Variants in RABGAP1L observed in about 807,000 individuals in gnomAD.
RABGAP1L encodes the protein RAB GTPase activating protein 1 like.
In RABGAP1L, 63 loss-of-function variants were observed where a neutral mutation model predicts 137.7. The observed-to-expected ratio is 0.46, with a 90% confidence interval of 0.37 to 0.56. The LOEUF (loss-of-function observed/expected upper bound fraction) is 0.56. RABGAP1L is among the 20% of genes least tolerant of loss of function. RABGAP1L has a pLI of 0.00. For missense variants in RABGAP1L, 1,095 were observed against 1,244.0 expected (o/e 0.88, Z 1.80); for synonymous variants, 431 against 433.7 (o/e 0.99, Z 0.08).
intron 13 of RABGAP1L, among the ~76,000 whole-genome samples, chr1:174,399,609 A>G (rs147267033): frequency 3.3e-5 from 5 of 152,278 alleles, no homozygotes; most frequent in East Asian, 3.9e-4. Flanking sequence ...TCACACTGCT[A>G]TAAGGACCTA....
At chr1:174,202,017 A>G (rs1299425625) in intron 1 of RABGAP1L, among the ~76,000 whole-genome samples, 2 of 151,912 alleles carry the variant, frequency 1.3e-5, no homozygotes, top group East Asian at 1.9e-4. Flanking sequence ...TCCATGGTGT[A>G]TATGTGCCAC....
intron 15 of RABGAP1L, among the ~76,000 whole-genome samples, chr1:174,689,876 AG>A (rs1378302805): frequency 1.9e-4 from 29 of 152,304 alleles, no homozygotes. Context: ...ATGGGACAGT[AG>A]GATGCTAAAC....
intron 19 of RABGAP1L, 36 bp downstream of exon 19, chr1:174,811,996 T>C: frequency 6.5e-7 from 1 of 1,546,912 alleles, no homozygotes; most frequent in Non-Finnish European, 8.7e-7. Flanking sequence ...AAAGGTAAAA[T>C]ATGAGTGCAG....
chr1:174,872,583 G>A (rs1208512761), intron 19 of RABGAP1L, among the ~76,000 whole-genome samples: 7 of 150,186 alleles, frequency 4.7e-5, no homozygotes, highest in Non-Finnish European at 8.9e-5. Flanking sequence ...TTTTTAAGAG[G>A]CAGCATCTTA....
intron 19 of RABGAP1L, among the ~76,000 whole-genome samples, chr1:174,946,458 G>A (rs1416108338): frequency 1.3e-5 from 2 of 152,158 alleles, no homozygotes; most frequent in East Asian, 3.9e-4. Flanking sequence ...TGGCAACATA[G>A]TGAGACCCAA....
At chr1:174,667,063 A>G (rs911033270) in intron 14 of RABGAP1L, among the ~76,000 whole-genome samples, 1 of 151,760 alleles carries the variant, frequency 6.6e-6, no homozygotes, top group Admixed American at 6.6e-5. Flanking sequence ...AAATGTTAGC[A>G]CCAGAAATAT....
chr1:174,702,978 A>T (rs1679771298), intron 17 of RABGAP1L, among the ~76,000 whole-genome samples: 1 of 152,314 alleles, frequency 6.6e-6, no homozygotes, highest in Non-Finnish European at 1.5e-5. Context: ...TTTCAATGGC[A>T]GTATAAATGT....
At position 174,491,090 on chromosome 1, in the gene RABGAP1L, G is replaced by T. The variant is rs532153775; in HGVS notation, c.1710+96945G>T. 7.9e-5 allele frequency among the ~76,000 whole-genome samples: 12 copies of T among 151,930 alleles called. No individual in the cohort carries two copies. In the East Asian group the frequency reaches 1.7e-3, roughly 22 times the overall value. On this transcript the variant is annotated intron_variant, in intron 13 of 25. Transcript: ENST00000681986. Reference sequence around the variant, plus strand: ...CTGTGGCCTAGCTGGTACCTAAGATGCAAGACAAAGTCCTGTTTACTTTTT... The same window carrying T: ...CTGTGGCCTAGCTGGTACCTAAGATTCAAGACAAAGTCCTGTTTACTTTTT...
chr1:174,748,737 T>A (rs1263464952), intron 17 of RABGAP1L, among the ~76,000 whole-genome samples: 1 of 151,104 alleles, frequency 6.6e-6, no homozygotes, highest in Non-Finnish European at 1.5e-5. Flanking sequence ...TATCTGGGCG[T>A]GGTGGCATAT....
intron 13 of RABGAP1L, among the ~76,000 whole-genome samples, chr1:174,509,143 A>G (rs954077444): frequency 6.6e-6 from 1 of 152,190 alleles, no homozygotes; most frequent in African/African-American, 2.4e-5. Context: ...AAGAATAATG[A>G]TGAAAACCTT....
At chr1:174,682,474 A>G (rs1183011392) in intron 14 of RABGAP1L, among the ~76,000 whole-genome samples, 1 of 146,938 alleles carries the variant, frequency 6.8e-6, no homozygotes, top group Non-Finnish European at 1.5e-5. Context: ...AAAAAAAAAA[A>G]GTCCTGTCCC....
chr1:174,320,004 C>T (rs1558129045), intron 11 of RABGAP1L, among the ~76,000 whole-genome samples: 1 of 152,084 alleles, frequency 6.6e-6, no homozygotes, highest in Non-Finnish European at 1.5e-5. Context: ...AGCTTGCTCA[C>T]TCTTCAAAAA....
At chr1:174,891,149 G>T (rs543900170) in intron 19 of RABGAP1L, among the ~76,000 whole-genome samples, 2 of 152,124 alleles carry the variant, frequency 1.3e-5, no homozygotes, top group Non-Finnish European at 2.9e-5. Context: ...AGGAATCTAA[G>T]AAAAAATAGG....
At chr1:174,636,087 C>T (rs1320079686) in intron 13 of RABGAP1L, among the ~76,000 whole-genome samples, 1 of 152,082 alleles carries the variant, frequency 6.6e-6, no homozygotes, top group Non-Finnish European at 1.5e-5. Flanking sequence ...TAGCCCCATA[C>T]TATTTTCTTG....
chr1:174,712,327 G>A (rs754638787), intron 17 of RABGAP1L, among the ~76,000 whole-genome samples: 1 of 152,206 alleles, frequency 6.6e-6, no homozygotes, highest in Non-Finnish European at 1.5e-5. Flanking sequence ...GCCTTTATGA[G>A]CTGTAAGACT....
chr1:174,916,010 A>T (rs2149211493), intron 19 of RABGAP1L, among the ~76,000 whole-genome samples: 1 of 147,116 alleles, frequency 6.8e-6, no homozygotes, highest in South Asian at 2.2e-4. Flanking sequence ...ACTTTCTCTT[A>T]TGTTTTCTTC....
At chr1:174,828,876 C>T (rs763135670) in intron 19 of RABGAP1L, among the ~76,000 whole-genome samples, 6 of 147,976 alleles carry the variant, frequency 4.1e-5, no homozygotes, top group Non-Finnish European at 7.5e-5. Flanking sequence ...TTAAATTTAG[C>T]CTTTTCCATT....
At chr1:174,192,761 C>T (rs893573476) in intron 1 of RABGAP1L, among the ~76,000 whole-genome samples, 1 of 152,096 alleles carries the variant, frequency 6.6e-6, no homozygotes, top group African/African-American at 2.4e-5. Context: ...GTGAAAGCCC[C>T]CACATGAAAA....
chr1:174,837,291 A>G (rs1442920593), intron 19 of RABGAP1L, among the ~76,000 whole-genome samples: 3 of 152,206 alleles, frequency 2.0e-5, no homozygotes, highest in Non-Finnish European at 2.9e-5. Flanking sequence ...CATCAATAAT[A>G]TGTCTATAAG....
Sources: gnomAD v4.1 joint callset for allele counts (sites outside exome capture counted in the v4.1 genomes callset) on GRCh38, gnomAD v4.1.1 for gene constraint, MANE v1.5 for transcripts, NCBI Gene and HGNC (gene_info 2026-07-23, HGNC 2026-07-21) for gene names.